Variants in DUSP22 observed in about 807,000 individuals in gnomAD.
DUSP22 encodes dual specificity phosphatase 22.
A neutral mutation model predicts 24.5 loss-of-function variants in DUSP22; 24 were observed. That is an observed-to-expected ratio of 0.98 (90% CI 0.71 to 1.38). The LOEUF (loss-of-function observed/expected upper bound fraction) is 1.38. Among genes scored for constraint, DUSP22 ranks in the 40% most tolerant of loss-of-function variants. The pLI, the probability that DUSP22 is intolerant of heterozygous loss-of-function variation, is 0.00. For synonymous variants in DUSP22, 160 were observed against 106.4 expected (o/e 1.50, Z -3.10); for missense variants, 330 against 269.2 (o/e 1.23, Z -1.58).
chr6:323,240 A>ATT (rs9328118), intron 3 of DUSP22, among the ~76,000 whole-genome samples: 2 of 151,598 alleles, frequency 1.3e-5, no homozygotes, highest in Non-Finnish European at 2.9e-5. Context: ...GCGTGTGTGC[A>ATT]TGTGTGTGTG....
intron 1 of DUSP22, among the ~76,000 whole-genome samples, chr6:293,295 A>G (rs1450992408): frequency 6.6e-6 from 1 of 152,292 alleles, no homozygotes; most frequent in African/African-American, 2.4e-5. Flanking sequence ...CGTCCAGGGA[A>G]GTTGCCAGAT....
intron 5 of DUSP22, among the ~76,000 whole-genome samples, chr6:346,496 A>G (rs1382069703): frequency 6.6e-6 from 1 of 152,290 alleles, no homozygotes; most frequent in Admixed American, 6.5e-5. Flanking sequence ...TAACCCGAGG[A>G]TGATGCATCT....
At chr6:315,199 C>T (rs550784693) in intron 3 of DUSP22, among the ~76,000 whole-genome samples, 31 of 152,406 alleles carry the variant, frequency 2.0e-4, no homozygotes, top group Admixed American at 1.2e-3. Context: ...ATCTTAGAAA[C>T]GTAATAGAAA....
chr6:350,763 C>T lies in DUSP22; in HGVS notation c.*1812C>T. Reference sequence around the variant, plus strand: ...ACCTTTACAAACCTCTCAGTGTATTCTTGGAGTTCTTGAAATGTTGTTTTA... The same window carrying T: ...ACCTTTACAAACCTCTCAGTGTATTTTTGGAGTTCTTGAAATGTTGTTTTA... On this transcript the variant is annotated 3_prime_UTR_variant, in exon 7 of 7. Transcript: ENST00000419235. 2 of 1,614,030 alleles carry T rather than the reference C, an allele frequency of 1.2e-6. No homozygotes were observed. Among genetic ancestry groups the T allele is most frequent in the Non-Finnish European group, 1.7e-6 (2 of 1,179,916 alleles).
chr6:314,762 C>G (rs1338692624), intron 3 of DUSP22, among the ~76,000 whole-genome samples: 1 of 152,302 alleles, frequency 6.6e-6, no homozygotes, highest in Non-Finnish European at 1.5e-5. Context: ...ACTGAGACCC[C>G]CATGGAACAT....
At chr6:342,832 G>A (rs1759672632) in intron 4 of DUSP22, among the ~76,000 whole-genome samples, 1 of 152,308 alleles carries the variant, frequency 6.6e-6, no homozygotes, top group Non-Finnish European at 1.5e-5. Flanking sequence ...AACATGGACA[G>A]AGCTGCAGGA....
At chr6:310,252 T>C (rs2666971) in intron 2 of DUSP22, among the ~76,000 whole-genome samples, 151,950 of 152,422 alleles carry the variant, frequency 1, 75,739 homozygotes, top group East Asian at 1. Flanking sequence ...TCAGTCACCA[T>C]GCCCGGCCTA....
Position 337,415 on chromosome 6 carries a change from T to TA in DUSP22, c.188+2253dup, listed in dbSNP as rs1457777120. ...GCGTATATTAATGTATCTTGAGAGT[T>TA]ACAGAAAAGGTAGTTGCAATAACAA... On this transcript the variant is annotated intron_variant, in intron 4 of 6. Transcript: ENST00000419235. 3.3e-5 allele frequency among the ~76,000 whole-genome samples: 5 copies of TA among 152,426 alleles called. No individual in the cohort carries two copies. In the East Asian group the frequency reaches 9.6e-4, roughly 29 times the overall value.
intron 3 of DUSP22, among the ~76,000 whole-genome samples, chr6:314,842 G>T (rs2757551): frequency 1 from 151,857 of 152,426 alleles, 75,644 homozygotes; most frequent in Middle Eastern, 1. Flanking sequence ...TAAGGAACTT[G>T]TGACTTGGTT....
Position 292,557 on chromosome 6 carries a change from C to A in DUSP22, c.18C>A (p.Asn6Lys). 3 of 1,603,568 alleles carry A rather than the reference C, an allele frequency of 1.9e-6. No homozygotes were observed. The highest frequency in any genetic ancestry group is 2.6e-6 in the Non-Finnish European group (3 of 1,175,126). Residue 6 changes from asparagine (N) to lysine (K), a missense_variant, in exon 1 of 7, where the codon AAC becomes AAA. By Grantham distance (94) the Asn-to-Lys change is moderately conservative. Coordinates refer to ENST00000419235, the MANE Select transcript of DUSP22 (RefSeq NM_001286555.3). MGNGM[N>K]KILPGLYIGN... ...CAGCCACCATGGGGAATGGGATGAACAAGGTAACGTCTTCCCTCGTTCGCG... is the reference window on the plus strand; with the variant it reads ...CAGCCACCATGGGGAATGGGATGAAAAAGGTAACGTCTTCCCTCGTTCGCG...
chr6:351,145 G>A lies in DUSP22; in HGVS notation c.*2194G>A. 2 of 522,832 alleles carry A rather than the reference G, an allele frequency of 3.8e-6. No individual in the cohort carries two copies. The highest frequency in any genetic ancestry group is 6.7e-6 in the Non-Finnish European group (2 of 299,382). The allele number at this position is 522,832 out of a possible 1,614,324, so 32.4% of individuals were successfully genotyped here. On this transcript the variant is annotated 3_prime_UTR_variant, in exon 7 of 7. Coordinates refer to ENST00000419235, the MANE Select transcript of DUSP22 (RefSeq NM_001286555.3). Reference sequence around the variant, plus strand: ...AGCCTTGCCGCACTGCCTTGTGGGTGGCTTGGCGCTCGTGATTGCTTCCTG... The same window carrying A: ...AGCCTTGCCGCACTGCCTTGTGGGTAGCTTGGCGCTCGTGATTGCTTCCTG...
At chr6:310,083 C>T (rs1027279451) in intron 2 of DUSP22, among the ~76,000 whole-genome samples, 4 of 152,294 alleles carry the variant, frequency 2.6e-5, no homozygotes, top group Admixed American at 2.6e-4. Context: ...ACCTCAGCCT[C>T]CTGAGTAGTG....
intron 3 of DUSP22, among the ~76,000 whole-genome samples, chr6:313,271 C>G (rs1302183808): frequency 1.3e-5 from 2 of 152,300 alleles, no homozygotes; most frequent in Non-Finnish European, 2.9e-5. Flanking sequence ...GGCCTGCCTC[C>G]CTGCTTCATA....
intron 4 of DUSP22, chr6:338,054 G>A (rs1456306623): frequency 6.6e-6 from 1 of 152,492 alleles, no homozygotes; most frequent in Admixed American, 6.5e-5. Context: ...AGCTGAAAAA[G>A]GAAGTCAGGA....
At chr6:306,436 T>C (rs1279812687) in intron 2 of DUSP22, among the ~76,000 whole-genome samples, 2 of 152,302 alleles carry the variant, frequency 1.3e-5, no homozygotes, top group Admixed American at 6.5e-5. Context: ...TTCAATAACA[T>C]AGGACTCCTT....
At chr6:318,136 G>A (rs563947735) in intron 3 of DUSP22, among the ~76,000 whole-genome samples, 2 of 152,422 alleles carry the variant, frequency 1.3e-5, no homozygotes, top group South Asian at 4.1e-4. Context: ...CTTTTCCTAA[G>A]TTGTTACAAC....
At chr6:325,118 T>A in intron 3 of DUSP22, 1 of 185,744 alleles carries the variant, frequency 5.4e-6, no homozygotes, top group Non-Finnish European at 1.1e-5. Context: ...CTGTACCTGC[T>A]GGTGCCTAGA....
chr6:345,740 A>G (rs150500886), intron 4 of DUSP22, 114 bp from the exon 5 acceptor site: 362 of 1,311,742 alleles, frequency 2.8e-4, no homozygotes, highest in Admixed American at 7.9e-4. Flanking sequence ...TTATGTGTCA[A>G]TTATACAAAA....
intron 4 of DUSP22, among the ~76,000 whole-genome samples, chr6:345,148 G>A (rs1023217463): frequency 6.6e-6 from 1 of 152,286 alleles, no homozygotes. Context: ...GCCACAGACA[G>A]TATGACCAGG....
Sources: allele counts gnomAD v4.1 joint callset (sites outside exome capture counted in the v4.1 genomes callset), GRCh38; gene constraint gnomAD v4.1.1; transcripts MANE v1.5; gene names NCBI Gene and HGNC (gene_info 2026-07-23, HGNC 2026-07-21).